LRRC8C: variants seen among roughly 807,000 people sequenced by gnomAD.
LRRC8C encodes leucine rich repeat containing 8 VRAC subunit C, also known as volume-regulated anion channel subunit LRRC8C.
In LRRC8C, 20 loss-of-function variants were observed where a neutral mutation model predicts 55.3. The observed-to-expected ratio is 0.36, with a 90% CI of 0.25 to 0.53. The LOEUF (loss-of-function observed/expected upper bound fraction) is 0.53. LRRC8C is among the 20% of genes least tolerant of loss of function. The pLI, the probability that LRRC8C is intolerant of heterozygous loss-of-function variation, is 0.92. For synonymous variants in LRRC8C, 376 were observed against 360.7 expected, an observed-to-expected ratio of 1.04 and a Z score of -0.48; for missense variants, 659 against 951.4, an observed-to-expected ratio of 0.69 and a Z score of 4.04.
chr1:89,669,847 TCTC>T (rs1026690908), intron 1 of LRRC8C, among the ~76,000 whole-genome samples: 4 of 152,116 alleles, frequency 2.6e-5, no homozygotes, highest in Non-Finnish European at 5.9e-5. Flanking sequence ...CAATGACAGA[TCTC>T]CTCCAAAAAA....
intron 1 of LRRC8C, among the ~76,000 whole-genome samples, chr1:89,649,636 A>G (rs987475824): frequency 2.0e-5 from 3 of 152,194 alleles, no homozygotes; most frequent in African/African-American, 4.8e-5. Context: ...TCTCTCTGGA[A>G]GGAAGTAAAG....
Position 89,713,150 on chromosome 1 carries a change from A to G in LRRC8C, c.580A>G (p.Asn194Asp), listed in dbSNP as rs1336715362. 6.2e-7 allele frequency: 1 copy of G among 1,614,102 alleles called. No individual in the cohort carries two copies. The highest frequency in any genetic ancestry group is 8.5e-7 in the Non-Finnish European group (1 of 1,180,056). Residue 194 changes from asparagine (N) to aspartate (D), a missense_variant, in exon 3 of 3, where the codon AAC becomes GAC. By Grantham distance (23) the Asn-to-Asp change is conservative (BLOSUM62 1). Coordinates refer to ENST00000370454, the MANE Select transcript of LRRC8C (RefSeq NM_032270.5). The surrounding 1 kb of genome is among the most constrained non-coding windows in gnomAD (Gnocchi z 5.2). ...EEKDNRKNNM[N>D]RSNTIQSGPE... ...AAAGGACAACAGGAAGAACAACATG[A>G]ACAGGTCCAACACCATCCAATCTGG...
upstream of LRRC8C, chr1:89,632,336 G>C (rs1418238317): frequency 6.6e-6 from 1 of 152,234 alleles, no homozygotes; most frequent in East Asian, 1.9e-4. Flanking sequence ...TCCTTTATGC[G>C]GGAGCTGTAG....
intron 2 of LRRC8C, among the ~76,000 whole-genome samples, chr1:89,689,066 G>A (rs1557662258): frequency 6.6e-6 from 1 of 152,238 alleles, no homozygotes; most frequent in Non-Finnish European, 1.5e-5. Flanking sequence ...TACATGGACA[G>A]TTGTGAAGAT....
At chr1:89,673,032 A>G (rs1002566147) in intron 1 of LRRC8C, among the ~76,000 whole-genome samples, 10 of 152,092 alleles carry the variant, frequency 6.6e-5, no homozygotes, top group African/African-American at 2.4e-4. Flanking sequence ...CTTCATTCCT[A>G]AGTCCTTCTT....
At chr1:89,635,524 G>A (rs893278769) in intron 1 of LRRC8C, among the ~76,000 whole-genome samples, 5 of 152,276 alleles carry the variant, frequency 3.3e-5, no homozygotes, top group African/African-American at 9.6e-5. Flanking sequence ...AGACTATGCA[G>A]CTAAGTTAGT....
intron 1 of LRRC8C, among the ~76,000 whole-genome samples, chr1:89,649,330 T>C (rs1388714357): frequency 6.6e-6 from 1 of 152,190 alleles, no homozygotes; most frequent in African/African-American, 2.4e-5. Context: ...ATTAAAGCAC[T>C]AGTAAAGCTC....
chr1:89,684,890 A>G (rs575674273), intron 1 of LRRC8C, among the ~76,000 whole-genome samples: 2 of 152,218 alleles, frequency 1.3e-5, no homozygotes, highest in Non-Finnish European at 2.9e-5. Context: ...TGTATTCTGC[A>G]TAGATGTCAA....
chr1:89,713,544 G>T lies in LRRC8C; in HGVS notation c.974G>T (p.Cys325Phe). The T allele has an allele frequency of 1.2e-6, 2 of 1,614,122 alleles. No individual in the cohort carries two copies. The highest frequency in any genetic ancestry group is 1.7e-6 in the Non-Finnish European group (2 of 1,180,034). ...TCAAAACTGTCCTTTTGCTATCTGTGCTTTGTTAGTATCTATGGATTGACG... is the reference window on the plus strand; with the variant it reads ...TCAAAACTGTCCTTTTGCTATCTGTTCTTTGTTAGTATCTATGGATTGACG... The part of the protein sequence containing the change: ...LFSKLSFCYL[C>F]FVSIYGLTCL... Residue 325 changes from cysteine (C) to phenylalanine (F), a missense_variant, in exon 3 of 3, where the codon TGC becomes TTC. Cys to Phe is a radical substitution (Grantham distance 205). Transcript: ENST00000370454. The surrounding 1 kb of genome is among the most constrained non-coding windows in gnomAD (Gnocchi z 5.2).
chr1:89,633,564 C>A (rs1048577176), intron 1 of LRRC8C, among the ~76,000 whole-genome samples: 1 of 152,210 alleles, frequency 6.6e-6, no homozygotes, highest in Non-Finnish European at 1.5e-5. Flanking sequence ...CCCGAGCGGC[C>A]GCGCGAGGAT....
At chr1:89,621,166 A>T in the LRRC8C span, among the ~76,000 whole-genome samples, 1 of 152,106 alleles carries the variant, frequency 6.6e-6, no homozygotes, top group Non-Finnish European at 1.5e-5. Flanking sequence ...AAAAGAGTTT[A>T]AAAATTCCTT....
At chr1:89,702,200 G>A (rs1020310868) in intron 2 of LRRC8C, among the ~76,000 whole-genome samples, 1 of 151,820 alleles carries the variant, frequency 6.6e-6, no homozygotes, top group Non-Finnish European at 1.5e-5. Flanking sequence ...GACTCTGGGG[G>A]GCTGGGGGCT....
intron 1 of LRRC8C, among the ~76,000 whole-genome samples, chr1:89,649,305 T>C (rs1200968412): frequency 2.0e-5 from 3 of 152,212 alleles, no homozygotes; most frequent in Admixed American, 6.5e-5. Context: ...AATTCATAGT[T>C]GTTTGCAAAG....
chr1:89,621,939 G>A, the LRRC8C span, among the ~76,000 whole-genome samples: 1 of 152,032 alleles, frequency 6.6e-6, no homozygotes, highest in Non-Finnish European at 1.5e-5. Flanking sequence ...CAGTCAACAT[G>A]GGCTGATGCA....
chr1:89,694,443 T>A (rs116042184), intron 2 of LRRC8C, among the ~76,000 whole-genome samples: 1 of 152,102 alleles, frequency 6.6e-6, no homozygotes, highest in Non-Finnish European at 1.5e-5. Context: ...CTGCTTCATT[T>A]TGTTTCGTTT....
At chr1:89,678,047 C>G (rs1020737023) in intron 1 of LRRC8C, among the ~76,000 whole-genome samples, 6 of 152,174 alleles carry the variant, frequency 3.9e-5, no homozygotes, top group Non-Finnish European at 7.3e-5. Flanking sequence ...CTGAAAAGAA[C>G]TCATAAATTT....
intron 2 of LRRC8C, among the ~76,000 whole-genome samples, chr1:89,692,275 A>T (rs1658047659): frequency 6.6e-6 from 1 of 152,236 alleles, no homozygotes; most frequent in Non-Finnish European, 1.5e-5. Flanking sequence ...AAAGCAAGTT[A>T]ACTCCTATAT....
Position 89,718,357 on chromosome 1 carries a change from T to C in LRRC8C, c.*3375T>C, listed in dbSNP as rs1261426145. 6.6e-6 allele frequency: 1 copy of C among 152,182 alleles called. No individual in the cohort carries two copies. Among genetic ancestry groups the C allele is most frequent in the Non-Finnish European group, 1.5e-5 (1 of 68,020 alleles). The allele number at this position is 152,182 out of a possible 1,614,324, so 9.4% of individuals were successfully genotyped here. On this transcript the variant is annotated 3_prime_UTR_variant, in exon 3 of 3. Coordinates refer to ENST00000370454, the MANE Select transcript of LRRC8C (RefSeq NM_032270.5). ...TTACCTGGCTCTCAAGTTGTCTTTG[T>C]GGAGAGGGTCTTAGACAAAAATCTT... is the stretch of plus-strand genomic sequence containing the variant.
chr1:89,634,760 C>T (rs192311224), intron 1 of LRRC8C, among the ~76,000 whole-genome samples: 1 of 152,184 alleles, frequency 6.6e-6, no homozygotes, highest in Admixed American at 6.5e-5. Context: ...GTATACAGCT[C>T]TAGTCTAGGA....
Sources: gnomAD v4.1 joint callset for allele counts (sites outside exome capture counted in the v4.1 genomes callset) on GRCh38, gnomAD v4.1.1 for gene constraint, Gnocchi (gnomAD v3.1) non-coding constraint, MANE v1.5 for transcripts, NCBI Gene and HGNC (gene_info 2026-07-23, HGNC 2026-07-21) for gene names.